CASQ2: variants seen among roughly 807,000 people sequenced by gnomAD.
The protein encoded by CASQ2 is calsequestrin-2.
Under a neutral mutation model 46.5 loss-of-function variants are expected in CASQ2, and 49 were observed. The ratio of observed to expected loss-of-function variants is 1.05; its 90% CI spans 0.84 to 1.34. The LOEUF is 1.34. CASQ2 is among the 40% of genes most tolerant of loss of function. CASQ2 has a pLI of 0.00. For missense variants in CASQ2, 486 were observed against 481.3 expected, an observed-to-expected ratio of 1.01 and a Z score of -0.09; for synonymous variants, 174 against 168.5, an observed-to-expected ratio of 1.03 and a Z score of -0.25.
At chr1:115,712,368 AGTC>A (rs1306579903) in intron 8 of CASQ2, among the ~76,000 whole-genome samples, 1 of 152,140 alleles carries the variant, frequency 6.6e-6, no homozygotes, top group Non-Finnish European at 1.5e-5. Flanking sequence ...TTGGTGAAAA[AGTC>A]AAATGATATG....
At chr1:115,736,309 G>A (rs980313632) in intron 4 of CASQ2, among the ~76,000 whole-genome samples, 13 of 152,028 alleles carry the variant, frequency 8.6e-5, no homozygotes, top group Non-Finnish European at 1.2e-4. Context: ...GGAATTTCAT[G>A]TTGCTATTTT....
chr1:115,768,329 T>A lies in CASQ2; in HGVS notation c.213A>T (p.Gln71His), dbSNP rs749547074. 1 of 1,613,024 alleles carries A rather than the reference T, an allele frequency of 6.2e-7. No homozygotes were observed. Among genetic ancestry groups the A allele is most frequent in the South Asian group, 1.1e-5 (1 of 91,052 alleles). ...TTACCTCAAGCACGATTTCTTTCAG[T>A]TGGAACTGTTTTTGCGTGACCTTAT... The part of the protein sequence containing the change: ...SSDKVTQKQF[Q>H]LKEIVLELVA... The change falls in exon 1 of 11, where the codon CAA becomes CAT. Residue 71 changes from glutamine to histidine, a missense_variant. Transcript: ENST00000261448.
intron 1 of CASQ2, among the ~76,000 whole-genome samples, chr1:115,747,350 A>G (rs1004542451): frequency 2.6e-5 from 4 of 152,092 alleles, no homozygotes; most frequent in African/African-American, 9.7e-5. Flanking sequence ...TCCTCTGCCA[A>G]CACCACATAG....
chr1:115,768,532 T>A lies in CASQ2; in HGVS notation c.10A>T (p.Thr4Ser), dbSNP rs747077051. 14 of 1,608,082 alleles carry A rather than the reference T, an allele frequency of 8.7e-6. No homozygotes were observed. The highest frequency in any genetic ancestry group is 1.7e-5 in the Admixed American group (1 of 59,972). Residue 4 changes from threonine to serine, a missense_variant, in exon 1 of 11, where the codon ACT (threonine) becomes TCT (serine). By Grantham distance (58) the Thr-to-Ser change is moderately conservative. Coordinates refer to ENST00000261448, the MANE Select transcript of CASQ2 (RefSeq NM_001232.4). MKR[T>S]HLFIVGIYFL... is the part of the protein sequence containing the mutation. ...TAAATCCCCACAATAAACAAGTGAGTTCTCTTCATTTGGGAAAACTTTTGT... is the reference window on the plus strand; with the variant it reads ...TAAATCCCCACAATAAACAAGTGAGATCTCTTCATTTGGGAAAACTTTTGT...
Position 115,700,936 on chromosome 1 carries a change from C to G in CASQ2, c.*305G>C. 5.0e-6 allele frequency: 3 copies of G among 603,972 alleles called. No individual in the cohort carries two copies. The highest frequency in any genetic ancestry group is 8.8e-6 in the Non-Finnish European group (3 of 339,786). The allele number at this position is 603,972 out of a possible 1,614,324, so 37.4% of individuals were successfully genotyped here. ...GTGTTAGGGGATTGTTCACCCTAGA[C>G]TGCCATGTTCAGGCACTGCCATGAC... On this transcript the variant is annotated 3_prime_UTR_variant, in exon 11 of 11. Transcript: ENST00000261448.
intron 9 of CASQ2, among the ~76,000 whole-genome samples, chr1:115,703,306 C>T (rs1654268660): frequency 1.3e-5 from 2 of 152,180 alleles, no homozygotes; most frequent in Admixed American, 1.3e-4. Context: ...CATTTCCCTC[C>T]ACCTCTTTTT....
At chr1:115,761,516 A>G (rs547539670) in intron 1 of CASQ2, among the ~76,000 whole-genome samples, 93 of 105,004 alleles carry the variant, frequency 8.9e-4, no homozygotes, top group African/African-American at 3.3e-3. Flanking sequence ...AAGAAGAAGA[A>G]GAAGAAGAAG....
chr1:115,744,595 T>G (rs1234685341), intron 2 of CASQ2, among the ~76,000 whole-genome samples: 2 of 152,204 alleles, frequency 1.3e-5, no homozygotes, highest in Non-Finnish European at 2.9e-5. Flanking sequence ...GAAGAAACCC[T>G]CTTCATCGTA....
At chr1:115,736,697 T>A (rs1039237175) in intron 4 of CASQ2, among the ~76,000 whole-genome samples, 18 of 152,268 alleles carry the variant, frequency 1.2e-4, no homozygotes, top group African/African-American at 4.1e-4. Flanking sequence ...TTTTTAAAAA[T>A]TGGAGGTTTT....
chr1:115,712,487 G>C (rs903294905), intron 8 of CASQ2, among the ~76,000 whole-genome samples: 1 of 152,158 alleles, frequency 6.6e-6, no homozygotes, highest in Non-Finnish European at 1.5e-5. Flanking sequence ...CATGTGAGCT[G>C]GGGACATTAT....
intron 1 of CASQ2, among the ~76,000 whole-genome samples, chr1:115,761,214 T>TG (rs981534419): frequency 9.3e-5 from 14 of 150,252 alleles, no homozygotes; most frequent in African/African-American, 2.7e-4. Context: ...CTGGCCAACA[T>TG]GGTGAAACCC....
chr1:115,737,137 T>C (rs1647990892), intron 4 of CASQ2, among the ~76,000 whole-genome samples: 1 of 152,188 alleles, frequency 6.6e-6, no homozygotes, highest in African/African-American at 2.4e-5. Context: ...TAGTCAGCAC[T>C]GATACGGAAA....
rs373227317 is a variant in CASQ2 at position 115,727,079 on chromosome 1, T to C, written c.650A>G (p.Tyr217Cys). ...LSLKMNEVDF[Y>C]EPFMDEPIAI... is the part of the protein sequence containing the mutation. ...AATGGGCTCATCCATAAATGGCTCA[T>C]AGAAGTCAACCTCATTCATCTTCAA... The change falls in exon 6 of 11, where the codon TAT becomes TGT. Residue 217 changes from tyrosine to cysteine, a missense_variant. By Grantham distance (194) the Tyr-to-Cys change is radical. Coordinates refer to ENST00000261448, the MANE Select transcript of CASQ2 (RefSeq NM_001232.4). The C allele has an allele frequency of 3.3e-5, 53 of 1,612,954 alleles. No individual in the cohort carries two copies. The Middle Eastern group carries it at 5.0e-4, about 15-fold the overall frequency.
At chr1:115,703,517 G>T (rs1654273426) in intron 9 of CASQ2, among the ~76,000 whole-genome samples, 1 of 152,074 alleles carries the variant, frequency 6.6e-6, no homozygotes, top group African/African-American at 2.4e-5. Context: ...ATGTCCAGTG[G>T]TAGGAAATCT....
At chr1:115,723,274 C>CTATCTATCATCTATCT (rs57499430) in intron 7 of CASQ2, among the ~76,000 whole-genome samples, 246 of 150,972 alleles carry the variant, frequency 1.6e-3, no homozygotes, top group South Asian at 3.1e-3. Context: ...ATCTATCTAT[C>CTATCTATCATCTATCT]ATCTATCTAT....
chr1:115,728,914 T>C lies in CASQ2; in HGVS notation c.607-1792A>G, dbSNP rs1481694250. On this transcript the variant is annotated intron_variant, in intron 5 of 10. Coordinates refer to ENST00000261448, the MANE Select transcript of CASQ2 (RefSeq NM_001232.4). ...TAAGAATGTAAAAATTGGATTGTCG[T>C]GTCCTTAATTTAAGTCTTGGAAATG... Among the ~76,000 whole-genome samples, 4 of 152,048 alleles carry C rather than the reference T, an allele frequency of 2.6e-5. No individual in the cohort carries two copies. The East Asian group carries it at 7.7e-4, about 29-fold the overall frequency.
intron 9 of CASQ2, among the ~76,000 whole-genome samples, chr1:115,704,345 A>G (rs1324703455): frequency 6.6e-6 from 1 of 152,174 alleles, no homozygotes; most frequent in Admixed American, 6.5e-5. Flanking sequence ...CATCATGTAG[A>G]CCTAGATTGG....
chr1:115,711,202 C>A (rs1281096889), intron 8 of CASQ2, among the ~76,000 whole-genome samples: 1 of 152,192 alleles, frequency 6.6e-6, no homozygotes, highest in Non-Finnish European at 1.5e-5. Context: ...AGTTCTGGGC[C>A]TCAGGGTCTC....
intron 8 of CASQ2, among the ~76,000 whole-genome samples, chr1:115,706,246 T>A (rs752332006): frequency 6.6e-6 from 1 of 152,176 alleles, no homozygotes; most frequent in Non-Finnish European, 1.5e-5. Flanking sequence ...TGTGTGCATG[T>A]GTGTCCACGT....
Sources: gnomAD v4.1 joint callset for allele counts (sites outside exome capture counted in the v4.1 genomes callset) on GRCh38, gnomAD v4.1.1 for gene constraint, MANE v1.5 for transcripts, NCBI Gene and HGNC (gene_info 2026-07-23, HGNC 2026-07-21) for gene names.